GCM2: variants seen among roughly 807,000 people sequenced by gnomAD.
GCM2 encodes the protein GCM transcription factor 2.
GCM2 carries 21 observed loss-of-function variants against 24.8 expected under a neutral mutation model. That is an observed-to-expected ratio of 0.85 (90% CI 0.60 to 1.22). The LOEUF (loss-of-function observed/expected upper bound fraction) is 1.22. Among genes scored for constraint, GCM2 ranks in the 50% most tolerant of loss-of-function variants. GCM2 has a pLI of 0.00. For synonymous variants in GCM2, 222 were observed against 238.0 expected (o/e 0.93, Z 0.62); for missense variants, 532 against 645.6 (o/e 0.82, Z 1.91).
Position 10,874,716 on chromosome 6 carries a change from T to A in GCM2, c.800A>T (p.Tyr267Phe). The change falls in exon 5 of 5, where the codon TAT becomes TTT. Residue 267 changes from tyrosine to phenylalanine, a missense_variant. By Grantham distance (22) the Tyr-to-Phe change is conservative. Coordinates refer to ENST00000379491, the MANE Select transcript of GCM2 (RefSeq NM_004752.4). Reference protein sequence around the residue: ...PFQKYSSPRIYLPRPPCSYEL... With the variant: ...PFQKYSSPRIFLPRPPCSYEL... ...ATAGCTGCAAGGTGGCCTAGGCAAA[T>A]AGATTCTTGGGCTTGAGTATTTCTG... 1 of 1,614,062 alleles carries A rather than the reference T, an allele frequency of 6.2e-7. No homozygotes were observed. Among genetic ancestry groups the A allele is most frequent in the African/African-American group, 1.3e-5 (1 of 75,016 alleles).
rs754584467 is a variant in GCM2, at chr6:10,874,469, C to T, written c.1047G>A (p.Gly349=). 9.3e-6 allele frequency: 15 copies of T among 1,614,144 alleles called. No individual in the cohort carries two copies. In the South Asian group the frequency reaches 1.3e-4, roughly 14 times the overall value. ...KPSLVERTNH[G]QFQAMATRPY... ...GGCGAGTGGCCATGGCCTGAAACTG[C>T]CCATGGTTAGTCCTTTCCACAAGGC... Residue 349 remains glycine, a synonymous_variant, in exon 5 of 5, where the codon GGG becomes GGA. Transcript: ENST00000379491.
chr6:10,876,639 A>C lies in GCM2; in HGVS notation c.344-82T>G, dbSNP rs77553138. 0.036 allele frequency: 35,797 copies of C among 995,774 alleles called. 1,060 individuals are homozygous for C. Among genetic ancestry groups the C allele is most frequent in the Admixed American group, 0.11 (6,031 of 54,020 alleles). The allele number at this position is 995,774 out of a possible 1,614,324, so 61.7% of individuals were successfully genotyped here. On this transcript the variant is annotated intron_variant, in intron 2 of 4. Transcript: ENST00000379491. ...GAAGGGGAAAATTAGCTGGGAACAA[A>C]GAACTCATGCTCGGGCGCGGTGGCT...
At chr6:10,879,930 T>C (rs1779935231) in intron 1 of GCM2, among the ~76,000 whole-genome samples, 1 of 152,120 alleles carries the variant, frequency 6.6e-6, no homozygotes, top group African/African-American at 2.4e-5. Context: ...ATGAAAATGG[T>C]ACCATGTGAC....
intron 1 of GCM2, 139 bp from the exon 2 acceptor site, chr6:10,877,531 C>T (rs1296551517): frequency 4.7e-6 from 4 of 854,900 alleles, no homozygotes. Context: ...AAATGCCACT[C>T]TTTCTATGTA....
At chr6:10,878,457 T>C (rs1779913063) in intron 1 of GCM2, among the ~76,000 whole-genome samples, 1 of 152,154 alleles carries the variant, frequency 6.6e-6, no homozygotes, top group Non-Finnish European at 1.5e-5. Flanking sequence ...TACCTGGGAC[T>C]ATAGGTGCAT....
chr6:10,876,087 A>G (rs939685170), intron 3 of GCM2, 71 bp from the exon 4 acceptor site: 1 of 1,489,472 alleles, frequency 6.7e-7, no homozygotes, highest in Admixed American at 1.7e-5. Flanking sequence ...CCAAAAATTG[A>G]TCATGCCTTT....
intron 4 of GCM2, among the ~76,000 whole-genome samples, chr6:10,875,336 TTAA>T (rs1471079788): frequency 1.3e-5 from 2 of 152,320 alleles, no homozygotes; most frequent in Admixed American, 1.3e-4. Flanking sequence ...AAAATGGAAC[TTAA>T]TAACAGTAAC....
Position 10,880,325 on chromosome 6 carries a change from C to T in GCM2, c.90+1379G>A, listed in dbSNP as rs575938158. ...AAACAAAGGAGTAAAACACACCTAACCTACTACAAATATATGGATCCAAAA... is the reference window on the plus strand; with the variant it reads ...AAACAAAGGAGTAAAACACACCTAATCTACTACAAATATATGGATCCAAAA... On this transcript the variant is annotated intron_variant, in intron 1 of 4. Coordinates refer to ENST00000379491, the MANE Select transcript of GCM2 (RefSeq NM_004752.4). Among the ~76,000 whole-genome samples the T allele has an allele frequency of 2.6e-5, 4 of 152,204 alleles. No homozygotes were observed. The South Asian group carries it at 8.3e-4, about 32-fold the overall frequency.
intron 1 of GCM2, among the ~76,000 whole-genome samples, chr6:10,879,779 C>G (rs1779933555): frequency 6.6e-6 from 1 of 152,198 alleles, no homozygotes; most frequent in African/African-American, 2.4e-5. Context: ...CATGGGAAGT[C>G]TAGCAAATGC....
At chr6:10,881,487 C>A (rs1779956290) in intron 1 of GCM2, among the ~76,000 whole-genome samples, 1 of 151,470 alleles carries the variant, frequency 6.6e-6, no homozygotes, top group African/African-American at 2.4e-5. Context: ...CCCAACTCAG[C>A]CTTTTGTAGA....
intron 2 of GCM2, among the ~76,000 whole-genome samples, chr6:10,876,788 G>A (rs944469256): frequency 6.6e-6 from 1 of 152,218 alleles, no homozygotes; most frequent in African/African-American, 2.4e-5. Context: ...AATTAGCCGG[G>A]TGTGGTGGCT....
intron 1 of GCM2, among the ~76,000 whole-genome samples, chr6:10,880,529 C>T (rs1164843044): frequency 6.6e-6 from 1 of 152,016 alleles, no homozygotes; most frequent in African/African-American, 2.4e-5. Context: ...TCTACACCCC[C>T]CACCCCCTAC....
Position 10,874,934 on chromosome 6 carries a change from C to G in GCM2, c.583-1G>C. 1 of 1,603,024 alleles carries G rather than the reference C, an allele frequency of 6.2e-7. No homozygotes were observed. The highest frequency in any genetic ancestry group is 8.5e-7 in the Non-Finnish European group (1 of 1,169,986). On this transcript the variant is annotated splice_acceptor_variant, in intron 4 of 4. Transcript: ENST00000379491. LOFTEE classifies it high-confidence loss of function. The stretch of plus-strand genomic sequence containing the variant: ...CACTGCTGTCTTGATTTTCTTCTGC[C>G]TAGAAAAATGATACAAACATAGACA...
Position 10,873,670 on chromosome 6 carries a change from T to G in GCM2, c.*325A>C, listed in dbSNP as rs1174110700. 4 of 370,186 alleles carry G rather than the reference T, an allele frequency of 1.1e-5. No homozygotes were observed. The East Asian group carries it at 2.6e-4, about 24-fold the overall frequency. The allele number at this position is 370,186 out of a possible 1,614,324, so 22.9% of individuals were successfully genotyped here. On this transcript the variant is annotated 3_prime_UTR_variant, in exon 5 of 5. Transcript: ENST00000379491. ...AGTCCTAGAATAAGAACCAGAATCC[T>G]TGACTTCTACTCCTGCTAATAAGCT...
chr6:10,876,988 G>A (rs756654935), intron 2 of GCM2, 152 bp downstream of exon 2: 39 of 1,017,250 alleles, frequency 3.8e-5, no homozygotes, highest in Non-Finnish European at 4.7e-5. Flanking sequence ...GCTTGAACCC[G>A]GGAGGCGGAG....
chr6:10,877,914 G>A (rs779598953), intron 1 of GCM2, among the ~76,000 whole-genome samples: 2 of 152,230 alleles, frequency 1.3e-5, no homozygotes, highest in Non-Finnish European at 2.9e-5. Flanking sequence ...ATATCTTTAA[G>A]TCAGTGCATT....
chr6:10,874,509 G>C lies in GCM2; in HGVS notation c.1007C>G (p.Ala336Gly), dbSNP rs758220223. The C allele has an allele frequency of 2.5e-6, 4 of 1,614,230 alleles. No homozygotes were observed. In the South Asian group the frequency reaches 4.4e-5, roughly 18 times the overall value. Residue 336 changes from alanine (A) to glycine (G), a missense_variant, in exon 5 of 5, where the codon GCT becomes GGT. Ala to Gly is a moderately conservative substitution (Grantham distance 60). Coordinates refer to ENST00000379491, the MANE Select transcript of GCM2 (RefSeq NM_004752.4). ...FTNKQHGWKP[A>G]LGKPSLVERT... ...TTCCACAAGGCTGGGTTTTCCAAGAGCTGGTTTCCAGCCATGCTGTTTGTT... is the reference window on the plus strand; with the variant it reads ...TTCCACAAGGCTGGGTTTTCCAAGACCTGGTTTCCAGCCATGCTGTTTGTT...
Position 10,877,412 on chromosome 6 carries a change from A to T in GCM2, c.91-20T>A. The T allele has an allele frequency of 6.2e-7, 1 of 1,614,022 alleles. No individual in the cohort carries two copies. Reference sequence around the variant, plus strand: ...CAGCTCCTGGAAGAGTGCAGAAGGAAGGGTGGTCAGTCTATCCAGTCCAAA... The same window carrying T: ...CAGCTCCTGGAAGAGTGCAGAAGGATGGGTGGTCAGTCTATCCAGTCCAAA... On this transcript the variant is annotated intron_variant, in intron 1 of 4. Coordinates refer to ENST00000379491, the MANE Select transcript of GCM2 (RefSeq NM_004752.4).
At chr6:10,876,331 C>T in intron 3 of GCM2, 114 bp downstream of exon 3, 1 of 770,576 alleles carries the variant, frequency 1.3e-6, no homozygotes, top group South Asian at 1.4e-5. Context: ...CTATTTCTGG[C>T]CACTGGGGCT....
Sources: allele counts gnomAD v4.1 joint callset (sites outside exome capture counted in the v4.1 genomes callset), GRCh38; gene constraint gnomAD v4.1.1; transcripts MANE v1.5; gene names NCBI Gene and HGNC (gene_info 2026-07-23, HGNC 2026-07-21).